Variants in TBXAS1 observed in about 807,000 individuals in gnomAD.
TBXAS1 encodes thromboxane-A synthase.
TBXAS1 carries 48 observed loss-of-function variants against 60.7 expected under a neutral mutation model. The ratio of observed to expected loss-of-function variants is 0.79; its 90% CI spans 0.63 to 1.01. The LOEUF (loss-of-function observed/expected upper bound fraction) is 1.01. Among genes scored for constraint, TBXAS1 ranks in the 50% least tolerant of loss-of-function variants. The pLI, the probability that TBXAS1 is intolerant of heterozygous loss-of-function variation, is 0.00. For missense variants in TBXAS1, 685 were observed against 686.3 expected (o/e 1.00, Z 0.02); for synonymous variants, 287 against 269.7 (o/e 1.06, Z -0.63).
chr7:139,941,474 A>C lies in TBXAS1; in HGVS notation c.450+5167A>C, dbSNP rs191347430. 1.3e-4 allele frequency among the ~76,000 whole-genome samples: 19 copies of C among 151,934 alleles called. No individual in the cohort carries two copies. In the East Asian group the frequency reaches 3.7e-3, roughly 29 times the overall value. Reference sequence around the variant, plus strand: ...CTATGTCATACCAGGGATAATATAGAGCAACAGAGAACCAGGGAAAATGTG... The same window carrying C: ...CTATGTCATACCAGGGATAATATAGCGCAACAGAGAACCAGGGAAAATGTG... On this transcript the variant is annotated intron_variant, in intron 5 of 12. Transcript: ENST00000448866.
At chr7:139,971,424 A>G (rs1370043685) in intron 9 of TBXAS1, among the ~76,000 whole-genome samples, 2 of 101,734 alleles carry the variant, frequency 2.0e-5, no homozygotes, top group Non-Finnish European at 4.2e-5. Context: ...AGGGTGACCA[A>G]TCGATCTGGA....
chr7:139,892,706 C>T (rs1803730057), intron 3 of TBXAS1, among the ~76,000 whole-genome samples: 1 of 152,226 alleles, frequency 6.6e-6, no homozygotes, highest in Non-Finnish European at 1.5e-5. Context: ...AGAGCCCTCC[C>T]AGGGCAGACT....
chr7:139,933,063 A>G (rs1417948358), intron 4 of TBXAS1, among the ~76,000 whole-genome samples: 8 of 152,218 alleles, frequency 5.3e-5, no homozygotes, highest in African/African-American at 1.4e-4. Flanking sequence ...TTTCAAAAAA[A>G]ATAAATAAAA....
chr7:139,955,861 C>T (rs1295558154), intron 7 of TBXAS1, among the ~76,000 whole-genome samples: 3 of 152,230 alleles, frequency 2.0e-5, no homozygotes, highest in African/African-American at 7.2e-5. Flanking sequence ...GGTTGGGACG[C>T]ACCGTGTTAG....
intron 9 of TBXAS1, among the ~76,000 whole-genome samples, chr7:139,984,768 G>GAAAGAAAGAAAGA (rs779819643): frequency 9.0e-5 from 5 of 55,392 alleles, no homozygotes; most frequent in African/African-American, 2.1e-4. Flanking sequence ...AAGAAAGCAG[G>GAAAGAAAGAAAGA]AAAGAAAGAA....
chr7:139,854,408 T>C (rs997766635), intron 1 of TBXAS1, among the ~76,000 whole-genome samples: 1 of 152,082 alleles, frequency 6.6e-6, no homozygotes, highest in Non-Finnish European at 1.5e-5. Context: ...GTGCTTGAAC[T>C]GAAAGTGACA....
At chr7:139,934,196 TG>T (rs1273742495) in intron 4 of TBXAS1, among the ~76,000 whole-genome samples, 21 of 152,112 alleles carry the variant, frequency 1.4e-4, no homozygotes, top group Non-Finnish European at 2.5e-4. Context: ...TTTTTTCTTT[TG>T]TTTTTTTTGA....
chr7:139,783,756 C>G (rs989765496), intron 3 of TBXAS1, among the ~76,000 whole-genome samples: 49 of 152,314 alleles, frequency 3.2e-4, no homozygotes, highest in African/African-American at 1.2e-3. Flanking sequence ...CTCCCACTGA[C>G]ATGAAAGAGC....
At chr7:139,951,105 G>T (rs1167430012) in intron 5 of TBXAS1, among the ~76,000 whole-genome samples, 1 of 152,140 alleles carries the variant, frequency 6.6e-6, no homozygotes, top group Non-Finnish European at 1.5e-5. Flanking sequence ...ATAAGAGATC[G>T]TTCTGCTCAG....
At chr7:139,988,713 C>A (rs1048352601) in intron 9 of TBXAS1, among the ~76,000 whole-genome samples, 1 of 152,158 alleles carries the variant, frequency 6.6e-6, no homozygotes, top group Non-Finnish European at 1.5e-5. Context: ...ACATACAGCA[C>A]TTTCTTGGTC....
At chr7:140,015,574 CA>C in intron 10 of TBXAS1, 148 bp from the exon 11 acceptor site, 1 of 902,426 alleles carries the variant, frequency 1.1e-6, no homozygotes, top group Non-Finnish European at 1.8e-6. Context: ...GGGGGCTGAG[CA>C]GGGGGTCCTC....
At chr7:139,931,971 T>C (rs1569515246) in intron 4 of TBXAS1, among the ~76,000 whole-genome samples, 1 of 152,092 alleles carries the variant, frequency 6.6e-6, no homozygotes, top group Non-Finnish European at 1.5e-5. Flanking sequence ...ATGCTGGTGA[T>C]AGTAGCACAA....
chr7:139,870,748 C>A (rs958514829), intron 1 of TBXAS1, among the ~76,000 whole-genome samples: 1 of 152,202 alleles, frequency 6.6e-6, no homozygotes, highest in Non-Finnish European at 1.5e-5. Context: ...TAGAGGACAT[C>A]CTGCCTTCCC....
At position 139,961,973 on chromosome 7, in the gene TBXAS1, A is replaced by G. The variant is rs1810388861; in HGVS notation, c.874A>G (p.Met292Val). The G allele has an allele frequency of 6.2e-7, 1 of 1,614,224 alleles. No homozygotes were observed. Among genetic ancestry groups the G allele is most frequent in the Non-Finnish European group, 8.5e-7 (1 of 1,180,040 alleles). The change falls in exon 9 of 13, where the codon ATG (methionine) becomes GTG (valine). Residue 292 changes from methionine (M) to valine (V), a missense_variant. By Grantham distance (21) the Met-to-Val change is conservative. Transcript: ENST00000448866. ...GGATGCCCGACATTCTGCAAGTCCC[A>G]TGGGCGTGCAAGACTTTGACATCGT... Reference protein sequence around the residue: ...VLDARHSASPMGVQDFDIVRD... With the variant: ...VLDARHSASPVGVQDFDIVRD...
intron 10 of TBXAS1, among the ~76,000 whole-genome samples, chr7:140,010,075 C>T (rs947895530): frequency 6.7e-6 from 1 of 149,586 alleles, no homozygotes; most frequent in Non-Finnish European, 1.5e-5. Flanking sequence ...TGCTCCACAC[C>T]CACACCACAC....
intron 1 of TBXAS1, among the ~76,000 whole-genome samples, chr7:139,833,298 A>G (rs569925689): frequency 1.3e-5 from 2 of 152,204 alleles, no homozygotes; most frequent in Non-Finnish European, 2.9e-5. Flanking sequence ...AGAAAAAGGC[A>G]TTTCATGCAA....
chr7:139,813,950 T>C (rs948469576), intron 4 of TBXAS1, among the ~76,000 whole-genome samples: 4 of 152,212 alleles, frequency 2.6e-5, no homozygotes, highest in African/African-American at 9.6e-5. Context: ...GCATGTTATG[T>C]GGATGTGGTT....
intron 4 of TBXAS1, among the ~76,000 whole-genome samples, chr7:139,930,539 A>G (rs1807236233): frequency 6.6e-6 from 1 of 152,194 alleles, no homozygotes; most frequent in South Asian, 2.1e-4. Flanking sequence ...CTGACTCTAG[A>G]GGCAATGTTC....
Position 140,015,755 on chromosome 7 carries a change from T to C in TBXAS1, c.1259T>C (p.Val420Ala). The part of the protein sequence containing the change: ...FTREAAQDCE[V>A]LGQRIPAGAV... ...CGGGAGGCAGCTCAGGACTGCGAGG[T>C]GCTGGGGCAGCGCATCCCCGCAGGC... The change falls in exon 11 of 13, where the codon GTG becomes GCG. Residue 420 changes from valine to alanine, a missense_variant. Transcript: ENST00000448866. 6.2e-7 allele frequency: 1 copy of C among 1,613,538 alleles called. No homozygotes were observed. Among genetic ancestry groups the C allele is most frequent in the Admixed American group, 1.7e-5 (1 of 60,024 alleles).
Sources: gnomAD v4.1 joint callset for allele counts (sites outside exome capture counted in the v4.1 genomes callset) on GRCh38, gnomAD v4.1.1 for gene constraint, MANE v1.5 for transcripts, NCBI Gene and HGNC (gene_info 2026-07-23, HGNC 2026-07-21) for gene names.